PCDH15: variants seen among roughly 807,000 people sequenced by gnomAD.
PCDH15 encodes protocadherin-15.
A neutral mutation model predicts 178.5 loss-of-function variants in PCDH15; 129 were observed. That is an observed-to-expected ratio of 0.72 (90% CI 0.63 to 0.84). PCDH15 has a LOEUF of 0.84. Ranked by LOEUF, PCDH15 falls within the 40% of genes least tolerant of loss-of-function variation. The pLI, the probability that PCDH15 is intolerant of heterozygous loss-of-function variation, is 0.00. For synonymous variants in PCDH15, 800 were observed against 732.0 expected, an observed-to-expected ratio of 1.09 and a Z score of -1.50; for missense variants, 2,230 against 2,099.9, an observed-to-expected ratio of 1.06 and a Z score of -1.21.
chr10:54,158,686 ACATT>A (rs1356750153), intron 13 of PCDH15, among the ~76,000 whole-genome samples: 1 of 147,972 alleles, frequency 6.8e-6, no homozygotes, highest in Non-Finnish European at 1.5e-5. Context: ...CTGAACAAAA[ACATT>A]CAAATTGGAG....
chr10:54,972,521 C>A (rs186282767), intron 2 of PCDH15, among the ~76,000 whole-genome samples: 1 of 149,690 alleles, frequency 6.7e-6, no homozygotes, highest in Admixed American at 6.7e-5. Flanking sequence ...GACTGGGGGA[C>A]AAGAGCAAGA....
rs1018774205 is a variant in PCDH15, at chr10:55,284,692, C to T, written c.-156+34907G>A. On this transcript the variant is annotated intron_variant, in intron 1 of 5. Coordinates refer to the PCDH15 transcript ENST00000458638. Reference sequence around the variant, plus strand: ...ACTATCCCACTGTTTGAATCTCTAACCTGTCTTTTGCCTTTGGACTTAAAT... The same window carrying T: ...ACTATCCCACTGTTTGAATCTCTAATCTGTCTTTTGCCTTTGGACTTAAAT... Among the ~76,000 whole-genome samples, 4 of 152,090 alleles carry T rather than the reference C, an allele frequency of 2.6e-5. No homozygotes were observed. In the South Asian group the frequency reaches 8.3e-4, roughly 32 times the overall value.
At chr10:54,790,383 A>G (rs1219476100) in intron 1 of PCDH15, among the ~76,000 whole-genome samples, 2 of 151,546 alleles carry the variant, frequency 1.3e-5, no homozygotes, top group Non-Finnish European at 2.9e-5. Context: ...ATATATATGT[A>G]TTTCCCTCAT....
chr10:55,226,913 C>G (rs1182025243), intron 1 of PCDH15, among the ~76,000 whole-genome samples: 1 of 151,672 alleles, frequency 6.6e-6, no homozygotes, highest in Admixed American at 6.6e-5. Context: ...ATTCACTATC[C>G]AGCTAACATA....
chr10:55,021,551 CT>C (rs1207235882), intron 2 of PCDH15, among the ~76,000 whole-genome samples: 1 of 152,132 alleles, frequency 6.6e-6, no homozygotes, highest in Non-Finnish European at 1.5e-5. Flanking sequence ...CTGATTACCC[CT>C]GAAAGAAGTG....
intron 18 of PCDH15, among the ~76,000 whole-genome samples, chr10:54,039,047 T>C (rs967552588): frequency 2.6e-5 from 4 of 152,006 alleles, no homozygotes; most frequent in Non-Finnish European, 4.4e-5. Flanking sequence ...AAGTCTTAAA[T>C]ATGATGAACT....
intron 2 of PCDH15, among the ~76,000 whole-genome samples, chr10:55,585,843 C>T (rs1355065090): frequency 6.6e-6 from 1 of 151,952 alleles, no homozygotes; most frequent in East Asian, 1.9e-4. Flanking sequence ...AACATCACAA[C>T]TCAGGATAAT....
chr10:53,857,075 C>G, intron 28 of PCDH15, 100 bp downstream of exon 28: 1 of 863,704 alleles, frequency 1.2e-6, no homozygotes, highest in Non-Finnish European at 1.9e-6. Context: ...ATGTAACACA[C>G]CTGCACATGT....
At chr10:55,440,948 A>G (rs1343155367) in intron 2 of PCDH15, among the ~76,000 whole-genome samples, 3 of 152,140 alleles carry the variant, frequency 2.0e-5, no homozygotes, top group Admixed American at 6.6e-5. Flanking sequence ...ATTGGCTACC[A>G]TGAGAACAGT....
chr10:55,469,993 T>C (rs1303256660), intron 2 of PCDH15, among the ~76,000 whole-genome samples: 1 of 152,180 alleles, frequency 6.6e-6, no homozygotes, highest in Non-Finnish European at 1.5e-5. Context: ...ATTGCTTTTT[T>C]ACCTAGAAAA....
intron 25 of PCDH15, among the ~76,000 whole-genome samples, chr10:53,910,559 A>C (rs1302937401): frequency 6.6e-6 from 1 of 152,176 alleles, no homozygotes; most frequent in African/African-American, 2.4e-5. Context: ...ATGGGAAGAA[A>C]CCAGAGCAGA....
rs114081102 is a variant in PCDH15, at chr10:54,942,335, G to A, written c.-79-44835C>T. ...CCACAGGTTTGCATTGCTTCTATCA[G>A]AATTTAGTAGATTTTATTTTATTTG... On this transcript the variant is annotated intron_variant, in intron 2 of 5. Transcript: ENST00000458638. 7.0e-3 allele frequency among the ~76,000 whole-genome samples: 1,061 copies of A among 152,054 alleles called. 10 individuals carry two copies. Among genetic ancestry groups the A allele is most frequent in the African/African-American group, 0.024 (1,016 of 41,498 alleles).
intron 2 of PCDH15, among the ~76,000 whole-genome samples, chr10:54,639,677 G>T (rs1321106018): frequency 6.6e-6 from 1 of 152,022 alleles, no homozygotes; most frequent in African/African-American, 2.4e-5. Context: ...TAATAAATAG[G>T]AGTATTCCTC....
rs984975757 is a variant in PCDH15, at chr10:54,377,211, C to A, written c.318+1571G>T. Reference sequence around the variant, plus strand: ...GAATAAACATTAAATGTTATTTTCCCTAACTGATAAAATTATCTTCATATA... The same window carrying A: ...GAATAAACATTAAATGTTATTTTCCATAACTGATAAAATTATCTTCATATA... On this transcript the variant is annotated intron_variant, in intron 4 of 37. Transcript: ENST00000644397. Among the ~76,000 whole-genome samples, 8 of 152,052 alleles carry A rather than the reference C, an allele frequency of 5.3e-5. No individual in the cohort carries two copies. The East Asian group carries it at 1.6e-3, about 29-fold the overall frequency.
intron 23 of PCDH15, among the ~76,000 whole-genome samples, chr10:53,958,809 C>A (rs1358244519): frequency 6.6e-6 from 1 of 151,554 alleles, no homozygotes; most frequent in Non-Finnish European, 1.5e-5. Context: ...GAAACCCCAC[C>A]TCTACTGAAA....
chr10:55,261,111 T>C (rs1842137105), intron 1 of PCDH15, among the ~76,000 whole-genome samples: 1 of 152,208 alleles, frequency 6.6e-6, no homozygotes, highest in African/African-American at 2.4e-5. Flanking sequence ...CATGTTATTC[T>C]TTCCATGCAA....
At chr10:54,592,886 T>C (rs1237019744) in intron 2 of PCDH15, among the ~76,000 whole-genome samples, 1 of 152,152 alleles carries the variant, frequency 6.6e-6, no homozygotes, top group African/African-American at 2.4e-5. Flanking sequence ...AACAGGAATG[T>C]GGTGATACAT....
At chr10:53,952,163 A>G (rs112918135) in intron 23 of PCDH15, among the ~76,000 whole-genome samples, 4 of 152,220 alleles carry the variant, frequency 2.6e-5, no homozygotes, top group African/African-American at 9.6e-5. Context: ...ATTGCCCACA[A>G]TGTGGCAAGC....
chr10:54,113,981 C>T (rs2132743306), intron 15 of PCDH15, among the ~76,000 whole-genome samples: 1 of 152,114 alleles, frequency 6.6e-6, no homozygotes, highest in African/African-American at 2.4e-5. Flanking sequence ...ACCATCAGAT[C>T]TTGTGAGATT....
Sources: gnomAD v4.1 joint callset for allele counts (sites outside exome capture counted in the v4.1 genomes callset) on GRCh38, gnomAD v4.1.1 for gene constraint, MANE v1.5 for transcripts, NCBI Gene and HGNC (gene_info 2026-07-23, HGNC 2026-07-21) for gene names.